The following NSD1 variants were observed in gnomAD, a reference collection of about 807,000 sequenced individuals.
NSD1 encodes the protein nuclear receptor binding SET domain protein 1.
In NSD1, 26 loss-of-function variants were observed where a neutral mutation model predicts 242.7. That is an observed-to-expected ratio of 0.11 (90% CI 0.08 to 0.15). The LOEUF (loss-of-function observed/expected upper bound fraction) is 0.15, where lower values mean the gene tolerates loss of function less well. Among genes scored for constraint, NSD1 ranks in the 10% least tolerant of loss-of-function variants. The pLI is 1.00. For missense variants in NSD1, 2,495 were observed against 3,272.8 expected, an observed-to-expected ratio of 0.76 and a Z score of 5.80; for synonymous variants, 1,106 against 1,178.1, an observed-to-expected ratio of 0.94 and a Z score of 1.25.
At chr5:177,221,059 T>C in intron 5 of NSD1, 1 of 454,796 alleles carries the variant, frequency 2.2e-6, no homozygotes, top group South Asian at 1.6e-5. Flanking sequence ...TTTTAATAGA[T>C]ACGGGGTTTC....
chr5:177,141,869 T>C (rs1382072706), intron 2 of NSD1, among the ~76,000 whole-genome samples: 1 of 152,202 alleles, frequency 6.6e-6, no homozygotes, highest in Non-Finnish European at 1.5e-5. Flanking sequence ...GGTCTTTCTC[T>C]GTCACCCAGG....
intron 5 of NSD1, among the ~76,000 whole-genome samples, chr5:177,213,695 T>G (rs1396966940): frequency 6.6e-6 from 1 of 152,072 alleles, no homozygotes; most frequent in Non-Finnish European, 1.5e-5. Context: ...TGGTCTCTGA[T>G]CTCCTGACCT....
chr5:177,280,766 C>G lies in NSD1; in HGVS notation c.5824C>G (p.Pro1942Ala), dbSNP rs2127257470. ...QNQCFSKRQY[P>A]EVEIFRTLQR... ...CCAGTGCTTTTCCAAGCGCCAATAT[C>G]CAGAGGTTGAAATTTTCCGCACATT... Residue 1942 changes from proline to alanine, a missense_variant, in exon 18 of 23, where the codon CCA becomes GCA. Transcript: ENST00000439151. 1 of 1,614,200 alleles carries G rather than the reference C, an allele frequency of 6.2e-7. No homozygotes were observed. Among genetic ancestry groups the G allele is most frequent in the Non-Finnish European group, 8.5e-7 (1 of 1,180,048 alleles).
In NSD1 at chr5:177,211,955, G is replaced by A. The variant is rs973008371; in HGVS notation, c.3556G>A (p.Ala1186Thr). ...TAAAGAGAAAGAAAACTCTGAGTGT[G>A]CCTTTAGGGTCTTACTTCCTAGTGA... ...RFKEKENSEC[A>T]FRVLLPSDPV... Residue 1186 changes from alanine (A) to threonine (T), a missense_variant, in exon 5 of 23, where the codon GCC (alanine) becomes ACC (threonine). Coordinates refer to ENST00000439151, the MANE Select transcript of NSD1 (RefSeq NM_022455.5). 5.6e-5 allele frequency: 90 copies of A among 1,607,574 alleles called. No homozygotes were observed. Among genetic ancestry groups the A allele is most frequent in the Non-Finnish European group, 7.5e-5 (88 of 1,176,450 alleles).
In NSD1 at chr5:177,288,768, AT is replaced by A. The variant is rs767424942; in HGVS notation, c.6152-50del. Reference sequence around the variant, plus strand: ...GGTATCCTTTGTAATTAATACAGAAATAATGTAATTAAAACCATAGATATTA... The same window carrying A: ...GGTATCCTTTGTAATTAATACAGAAAAATGTAATTAAAACCATAGATATTA... On this transcript the variant is annotated intron_variant, in intron 20 of 22. Coordinates refer to ENST00000439151, the MANE Select transcript of NSD1 (RefSeq NM_022455.5). 1.9e-4 allele frequency: 245 copies of A among 1,308,472 alleles called. 1 individual carries two copies. The highest frequency in any genetic ancestry group is 2.7e-4 in the Non-Finnish European group (241 of 901,422). 81.1% of individuals were successfully genotyped at this position (1,308,472 alleles called of 1,614,324 possible).
intron 8 of NSD1, among the ~76,000 whole-genome samples, chr5:177,243,487 T>C (rs1562250398): frequency 6.6e-6 from 1 of 152,136 alleles, no homozygotes; most frequent in African/African-American, 2.4e-5. Context: ...CATGGGCCAC[T>C]GCACCCAGCC....
intron 2 of NSD1, among the ~76,000 whole-genome samples, chr5:177,191,605 T>C (rs1443724457): frequency 6.6e-6 from 1 of 152,178 alleles, no homozygotes; most frequent in Non-Finnish European, 1.5e-5. Context: ...TGTGTGTTTT[T>C]AGTTCTTTAA....
intron 5 of NSD1, among the ~76,000 whole-genome samples, chr5:177,227,946 CAAAAA>C (rs200769471): frequency 9.1e-6 from 1 of 109,534 alleles, no homozygotes; most frequent in Admixed American, 9.7e-5. Context: ...GAAACTCTCT[CAAAAA>C]AAAAAAAAAG....
At position 177,180,646 on chromosome 5, in the gene NSD1, T is replaced by C. The variant is rs79421367; in HGVS notation, c.928-11238T>C. Among the ~76,000 whole-genome samples the C allele has an allele frequency of 2.5e-3, 374 of 152,192 alleles. 2 individuals carry two copies. Among genetic ancestry groups the C allele is most frequent in the African/African-American group, 8.6e-3 (359 of 41,554 alleles). On this transcript the variant is annotated intron_variant, in intron 2 of 22. Coordinates refer to ENST00000439151, the MANE Select transcript of NSD1 (RefSeq NM_022455.5). ...TATAATTTTGTTATGTGTCCTGGTA[T>C]CTCTTGTTTTTCTTTTTATTATTTA...
At chr5:177,148,191 C>G (rs564695538) in intron 2 of NSD1, among the ~76,000 whole-genome samples, 1 of 151,916 alleles carries the variant, frequency 6.6e-6, no homozygotes, top group South Asian at 2.1e-4. Flanking sequence ...GATCTTGGCT[C>G]GCTGCAACCT....
chr5:177,220,512 C>G (rs75087370), intron 5 of NSD1, among the ~76,000 whole-genome samples: 106 of 147,764 alleles, frequency 7.2e-4, no homozygotes, highest in African/African-American at 2.6e-3. Flanking sequence ...CACTCAACCA[C>G]TCTATCTTTA....
At chr5:177,149,041 A>G (rs1356895948) in intron 2 of NSD1, among the ~76,000 whole-genome samples, 1 of 151,720 alleles carries the variant, frequency 6.6e-6, no homozygotes, top group Non-Finnish European at 1.5e-5. Context: ...CTGGTCTCGA[A>G]CTCCTGACCT....
At position 177,298,351 on chromosome 5, in the gene NSD1, A is replaced by G. The variant is rs1323298392; in HGVS notation, c.*2892A>G. 1.3e-5 allele frequency: 3 copies of G among 233,162 alleles called. No homozygotes were observed. Among genetic ancestry groups the G allele is most frequent in the Non-Finnish European group, 2.5e-5 (3 of 118,056 alleles). 14.4% of individuals were successfully genotyped at this position (233,162 alleles called of 1,614,324 possible). ...GCTCCCCAGGAGGCCTTTTCCAGGG[A>G]CAAGGCAAAAGTTGAAATTCTCCAT... On this transcript the variant is annotated 3_prime_UTR_variant, in exon 23 of 23. Coordinates refer to ENST00000439151, the MANE Select transcript of NSD1 (RefSeq NM_022455.5).
chr5:177,240,699 C>T (rs938562423), intron 8 of NSD1, among the ~76,000 whole-genome samples: 6 of 151,940 alleles, frequency 3.9e-5, no homozygotes, highest in Non-Finnish European at 2.9e-5. Flanking sequence ...GGTGACAGGG[C>T]GAGACTCCGT....
chr5:177,140,847 T>C (rs998137194), intron 2 of NSD1, among the ~76,000 whole-genome samples: 1 of 152,094 alleles, frequency 6.6e-6, no homozygotes, highest in Non-Finnish European at 1.5e-5. Flanking sequence ...TGTCTAAGGC[T>C]TATAGTTTTG....
intron 5 of NSD1, among the ~76,000 whole-genome samples, 189 bp downstream of exon 5, chr5:177,212,384 T>C (rs1763415483): frequency 6.6e-6 from 1 of 152,102 alleles, no homozygotes; most frequent in Non-Finnish European, 1.5e-5. Context: ...CCATATATAT[T>C]CAAAAGTTAA....
chr5:177,276,524 C>G (rs553510751), intron 17 of NSD1, among the ~76,000 whole-genome samples: 1 of 152,132 alleles, frequency 6.6e-6, no homozygotes, highest in African/African-American at 2.4e-5. Flanking sequence ...TGGGGTTTCA[C>G]CATGTTAGCC....
At chr5:177,237,497 AT>A (rs1199848932) in intron 6 of NSD1, among the ~76,000 whole-genome samples, 2 of 103,536 alleles carry the variant, frequency 1.9e-5, no homozygotes, top group Admixed American at 9.3e-5. Context: ...GGTTAAAAAA[AT>A]ATATATATAT....
At chr5:177,132,687 G>T (rs1412965963), upstream of NSD1, among the ~76,000 whole-genome samples, 1 of 152,064 alleles carries the variant, frequency 6.6e-6, no homozygotes, top group Non-Finnish European at 1.5e-5. The surrounding 1 kb of genome is among the most constrained non-coding windows in gnomAD (Gnocchi z 7.5). Context: ...CGCTGGGGTC[G>T]CCTGGCTTCG....
Sources: gnomAD v4.1 joint callset for allele counts (sites outside exome capture counted in the v4.1 genomes callset) on GRCh38, gnomAD v4.1.1 for gene constraint, Gnocchi (gnomAD v3.1) non-coding constraint, MANE v1.5 for transcripts, NCBI Gene and HGNC (gene_info 2026-07-23, HGNC 2026-07-21) for gene names.